Variants in NFIA observed in about 807,000 individuals in gnomAD.
NFIA encodes the protein nuclear factor 1 A-type.
In NFIA, 8 loss-of-function variants were observed where a neutral mutation model predicts 62.8. The ratio of observed to expected loss-of-function variants is 0.13; its 90% CI spans 0.07 to 0.23. The LOEUF (loss-of-function observed/expected upper bound fraction) is 0.23, where lower values mean the gene tolerates loss of function less well. Ranked by LOEUF, NFIA falls within the 10% of genes least tolerant of loss-of-function variation. The pLI is 1.00. For missense variants in NFIA, 410 were observed against 642.1 expected, an observed-to-expected ratio of 0.64 and a Z score of 3.91; for synonymous variants, 235 against 238.1, an observed-to-expected ratio of 0.99 and a Z score of 0.12.
intron 2 of NFIA, among the ~76,000 whole-genome samples, chr1:61,098,133 G>A (rs1282795588): frequency 2.0e-5 from 3 of 152,190 alleles, no homozygotes; most frequent in Admixed American, 6.5e-5. Flanking sequence ...ACAGAGTTGT[G>A]CAGGCTCAGA....
chr1:61,386,383 T>C (rs1320249299), intron 7 of NFIA, among the ~76,000 whole-genome samples: 1 of 152,156 alleles, frequency 6.6e-6, no homozygotes, highest in Non-Finnish European at 1.5e-5. Context: ...TAAAAGGATC[T>C]TGAAGAAAAG....
upstream of NFIA, chr1:61,077,407 A>T (rs1444476604): frequency 4.9e-6 from 2 of 410,472 alleles, no homozygotes; most frequent in Non-Finnish European, 8.7e-6. Flanking sequence ...AGAGGGAGAG[A>T]GCGCGCCTTG....
At chr1:61,419,944 T>G (rs1287019698) in intron 9 of NFIA, among the ~76,000 whole-genome samples, 2 of 152,156 alleles carry the variant, frequency 1.3e-5, no homozygotes, top group Non-Finnish European at 2.9e-5. Flanking sequence ...GACAAAAGAT[T>G]TGCAGAAATA....
At chr1:61,093,365 G>T (rs1293687510) in intron 2 of NFIA, among the ~76,000 whole-genome samples, 1 of 151,952 alleles carries the variant, frequency 6.6e-6, no homozygotes, top group Non-Finnish European at 1.5e-5. Context: ...AATATACACT[G>T]TATATTGTAA....
chr1:61,248,551 C>T (rs1408770700), intron 2 of NFIA, among the ~76,000 whole-genome samples: 1 of 152,142 alleles, frequency 6.6e-6, no homozygotes, highest in African/African-American at 2.4e-5. Flanking sequence ...AGCACAGCTG[C>T]TTCCTATTGT....
chr1:61,383,136 T>A (rs767905743), intron 6 of NFIA, 101 bp from the exon 7 acceptor site: 24 of 1,436,612 alleles, frequency 1.7e-5, no homozygotes, highest in Non-Finnish European at 2.2e-5. Context: ...GGTGGATTTC[T>A]CTTTTTGTTT....
intron 10 of NFIA, among the ~76,000 whole-genome samples, chr1:61,441,755 T>TAGTG (rs1667593303): frequency 6.6e-6 from 1 of 152,184 alleles, no homozygotes; most frequent in Non-Finnish European, 1.5e-5. Context: ...GATATCTAGA[T>TAGTG]AGTGCTGAAT....
chr1:61,228,378 C>A (rs980141914), intron 2 of NFIA, among the ~76,000 whole-genome samples: 1 of 152,146 alleles, frequency 6.6e-6, no homozygotes, highest in Non-Finnish European at 1.5e-5. Flanking sequence ...AGTGTCCCAG[C>A]GGGTTTTTGC....
intron 6 of NFIA, among the ~76,000 whole-genome samples, chr1:61,380,398 C>A (rs1223477544): frequency 6.6e-6 from 1 of 152,100 alleles, no homozygotes; most frequent in African/African-American, 2.4e-5. Flanking sequence ...GAAAGCCAAT[C>A]AGTCATTAAT....
rs2100599855 is a variant in NFIA at position 61,458,490 on chromosome 1, T to C, written c.*3170T>C. The C allele has an allele frequency of 6.6e-6, 1 of 152,344 alleles. No homozygotes were observed. Among genetic ancestry groups the C allele is most frequent in the Admixed American group, 6.5e-5 (1 of 15,310 alleles). The allele number at this position is 152,344 out of a possible 1,614,324, so 9.4% of individuals were successfully genotyped here. A position where few individuals can be genotyped will look rare whatever the true frequency, so the allele number is the denominator to read the frequency against. ...AATTTGTATTGTTGTATAGTTTTAT[T>C]GATTACACTGATTTATTCTACCCTA... On this transcript the variant is annotated 3_prime_UTR_variant, in exon 11 of 11. Transcript: ENST00000403491.
At chr1:61,092,128 C>G (rs907178795) in intron 2 of NFIA, among the ~76,000 whole-genome samples, 6 of 152,172 alleles carry the variant, frequency 3.9e-5, no homozygotes, top group Non-Finnish European at 5.9e-5. Context: ...TTTAATTCAA[C>G]TAAGGCCTTT....
At chr1:61,451,425 C>T (rs560186023) in intron 10 of NFIA, among the ~76,000 whole-genome samples, 1 of 152,286 alleles carries the variant, frequency 6.6e-6, no homozygotes, top group Admixed American at 6.5e-5. Flanking sequence ...TTAGTCAGCA[C>T]TTTTCCAACC....
intron 3 of NFIA, among the ~76,000 whole-genome samples, chr1:61,282,287 G>C (rs1658183730): frequency 6.6e-6 from 1 of 152,084 alleles, no homozygotes; most frequent in South Asian, 2.1e-4. Flanking sequence ...AAAGTTCCTA[G>C]CTCTGATTGG....
At chr1:61,206,606 A>G (rs942304747) in intron 2 of NFIA, among the ~76,000 whole-genome samples, 7 of 152,176 alleles carry the variant, frequency 4.6e-5, no homozygotes, top group African/African-American at 1.7e-4. Flanking sequence ...CCTCAGACAC[A>G]TATTGCCTTC....
intron 2 of NFIA, among the ~76,000 whole-genome samples, chr1:61,265,336 C>A (rs1158063502): frequency 6.6e-6 from 1 of 152,092 alleles, no homozygotes; most frequent in Non-Finnish European, 1.5e-5. Flanking sequence ...AGGGAGAAAG[C>A]CATGGTAGAA....
At chr1:61,370,948 C>T (rs187524221) in intron 6 of NFIA, among the ~76,000 whole-genome samples, 57 of 152,150 alleles carry the variant, frequency 3.7e-4, no homozygotes, top group African/African-American at 1.3e-3. Flanking sequence ...ATATCCATTT[C>T]TAATCTGAAG....
intron 3 of NFIA, among the ~76,000 whole-genome samples, chr1:61,281,422 G>T (rs1658127813): frequency 6.6e-6 from 1 of 152,134 alleles, no homozygotes; most frequent in African/African-American, 2.4e-5. Context: ...TATTCAAGAG[G>T]TCCAAAGCTG....
intron 9 of NFIA, among the ~76,000 whole-genome samples, chr1:61,413,215 A>G (rs1042013062): frequency 2.6e-5 from 4 of 152,160 alleles, no homozygotes; most frequent in African/African-American, 9.7e-5. Flanking sequence ...TATATCTTTG[A>G]TGAATCTTGT....
intron 2 of NFIA, among the ~76,000 whole-genome samples, chr1:61,135,901 AGAATATAT>A (rs2100497113): frequency 6.6e-6 from 1 of 152,322 alleles, no homozygotes; most frequent in African/African-American, 2.4e-5. Context: ...TAAATCTGAA[AGAATATAT>A]GTAGTCTCCC....
Sources: gnomAD v4.1 joint callset for allele counts (sites outside exome capture counted in the v4.1 genomes callset) on GRCh38, gnomAD v4.1.1 for gene constraint, MANE v1.5 for transcripts, NCBI Gene and HGNC (gene_info 2026-07-23, HGNC 2026-07-21) for gene names.